Variants in HPS5 observed in about 807,000 individuals in gnomAD.
HPS5 encodes HPS5 biogenesis of lysosomal organelles complex 2 subunit 2, also known as BLOC-2 complex member HPS5.
In HPS5, 83 loss-of-function variants were observed where a neutral mutation model predicts 128.0. The observed-to-expected ratio is 0.65, with a 90% CI of 0.54 to 0.78. HPS5 has a LOEUF of 0.78. Among genes scored for constraint, HPS5 ranks in the 30% least tolerant of loss-of-function variants. HPS5 has a pLI of 0.00. For synonymous variants in HPS5, 475 were observed against 470.2 expected, an observed-to-expected ratio of 1.01 and a Z score of -0.13; for missense variants, 1,281 against 1,326.2, an observed-to-expected ratio of 0.97 and a Z score of 0.53.
Position 18,291,490 on chromosome 11 carries a change from A to G in HPS5, c.2392T>C (p.Tyr798His). Residue 798 changes from tyrosine (Y) to histidine (H), a missense_variant, in exon 16 of 23, where the codon TAC (tyrosine) becomes CAC (histidine). Coordinates refer to ENST00000349215, the MANE Select transcript of HPS5 (RefSeq NM_181507.2). ...KRAKESIKLS[Y>H]SNSPSVWDTF... ...TCCCAAACAGAAGGGCTATTACTGTAACTAAGCTTGATACTCTCCTTCGCT... is the reference window on the plus strand; with the variant it reads ...TCCCAAACAGAAGGGCTATTACTGTGACTAAGCTTGATACTCTCCTTCGCT... 6.2e-7 allele frequency: 1 copy of G among 1,613,628 alleles called. No homozygotes were observed. Among genetic ancestry groups the G allele is most frequent in the Non-Finnish European group, 8.5e-7 (1 of 1,179,676 alleles).
In HPS5 at chr11:18,318,806, T is replaced by C. The variant is rs574176947; in HGVS notation, c.-49-899A>G. ...CATGCTTTACGTTTTTGACTTTTTT[T>C]CCAGAAACATATATATTCCATCACT... On this transcript the variant is annotated intron_variant, in intron 1 of 22. Coordinates refer to ENST00000349215, the MANE Select transcript of HPS5 (RefSeq NM_181507.2). Among the ~76,000 whole-genome samples, 3 of 152,362 alleles carry C rather than the reference T, an allele frequency of 2.0e-5. No homozygotes were observed. In the East Asian group the frequency reaches 5.8e-4, roughly 29 times the overall value.
Position 18,286,636 on chromosome 11 carries a change from T to G in HPS5, c.2792A>C (p.Asp931Ala). 6.2e-7 allele frequency: 1 copy of G among 1,613,954 alleles called. No homozygotes were observed. Among genetic ancestry groups the G allele is most frequent in the Non-Finnish European group, 8.5e-7 (1 of 1,179,986 alleles). The part of the protein sequence containing the change: ...LDWLLLAVSL[D>A]APPSTSTMDD... ...CATTGTGCTGGTGCTTGGTGGAGCA[T>G]CAAGGGACACTGCCAAAAGCAGCCA... The change falls in exon 19 of 23, where the codon GAT (aspartate) becomes GCT (alanine). Residue 931 changes from aspartate (D) to alanine (A), a missense_variant. Physicochemically the swap from Asp to Ala is moderately radical, Grantham distance 126. Transcript: ENST00000349215.
chr11:18,283,720 A>C, intron 21 of HPS5, 75 bp downstream of exon 21: 1 of 978,306 alleles, frequency 1.0e-6, no homozygotes, highest in Non-Finnish European at 1.7e-6. Context: ...AAGGTTCACC[A>C]AATTTTTTTG....
intron 22 of HPS5, among the ~76,000 whole-genome samples, chr11:18,280,353 G>A (rs1858720674): frequency 6.6e-6 from 1 of 152,178 alleles, no homozygotes; most frequent in South Asian, 2.1e-4. Context: ...CACTGGGATA[G>A]CTACTGTTTA....
chr11:18,314,219 C>T (rs1463374264), intron 2 of HPS5, among the ~76,000 whole-genome samples: 1 of 151,950 alleles, frequency 6.6e-6, no homozygotes, highest in Non-Finnish European at 1.5e-5. Context: ...CCAGCTTGGG[C>T]AACATAGTAA....
chr11:18,295,178 C>A lies in HPS5; in HGVS notation c.1635-9G>T. The A allele has an allele frequency of 6.2e-7, 1 of 1,612,846 alleles. No individual in the cohort carries two copies. The highest frequency in any genetic ancestry group is 1.1e-5 in the South Asian group (1 of 90,932). On this transcript the variant is annotated splice_polypyrimidine_tract_variant and intron_variant, in intron 13 of 22. Coordinates refer to ENST00000349215, the MANE Select transcript of HPS5 (RefSeq NM_181507.2). ...GCACAAAGCTAGAAACACTAGAAGT[C>A]AAATAACAAAAAACTAACATGAATA...
intron 8 of HPS5, among the ~76,000 whole-genome samples, chr11:18,303,567 T>C (rs1861982503): frequency 6.6e-6 from 1 of 152,136 alleles, no homozygotes; most frequent in African/African-American, 2.4e-5. Flanking sequence ...GAGAGCTAAG[T>C]GTATTGTGGC....
chr11:18,281,427 G>C (rs1044243579), intron 22 of HPS5, among the ~76,000 whole-genome samples: 5 of 150,840 alleles, frequency 3.3e-5, no homozygotes, highest in African/African-American at 7.3e-5. Flanking sequence ...TTGAGATGGA[G>C]TCTCGCTCTG....
chr11:18,298,446 G>T (rs548290746), intron 10 of HPS5, among the ~76,000 whole-genome samples: 1 of 151,962 alleles, frequency 6.6e-6, no homozygotes, highest in East Asian at 1.9e-4. Flanking sequence ...AGTGGGCCGA[G>T]ATTGCGCCAC....
At position 18,312,036 on chromosome 11, in the gene HPS5, T is replaced by C; in HGVS notation, c.109-12A>G. 6.3e-7 allele frequency: 1 copy of C among 1,592,336 alleles called. No individual in the cohort carries two copies. The highest frequency in any genetic ancestry group is 8.6e-7 in the Non-Finnish European group (1 of 1,160,414). ...GCTATGCTCGTGCACTAAAAACATG[T>C]GAAGAGAAGTGTGAGATAATCACAG... On this transcript the variant is annotated splice_polypyrimidine_tract_variant and intron_variant, in intron 2 of 22. Transcript: ENST00000349215.
At position 18,297,507 on chromosome 11, in the gene HPS5, G is replaced by A. The variant is rs377043935; in HGVS notation, c.1323+52C>T. On this transcript the variant is annotated intron_variant, in intron 11 of 22. Coordinates refer to ENST00000349215, the MANE Select transcript of HPS5 (RefSeq NM_181507.2). ...ATCCTAGAGGTAAATAAGAACAACC[G>A]AAGATGGAAAAATCTTACCCTACAA... 5.7e-5 allele frequency: 88 copies of A among 1,552,156 alleles called. 2 individuals carry two copies. The highest frequency in any genetic ancestry group is 3.6e-4 in the East Asian group (16 of 44,518).
intron 16 of HPS5, 34 bp from the exon 17 acceptor site, chr11:18,288,047 A>C (rs778139797): frequency 3.7e-6 from 6 of 1,610,966 alleles, no homozygotes; most frequent in Admixed American, 1.7e-5. Context: ...TCCAAACTTT[A>C]TCTCTTAGGC....
intron 14 of HPS5, 110 bp downstream of exon 14, chr11:18,294,910 G>A: frequency 2.7e-6 from 3 of 1,127,908 alleles, no homozygotes; most frequent in South Asian, 1.3e-5. Flanking sequence ...AGCCGTCCTG[G>A]AACACATGAG....
chr11:18,305,538 A>T, intron 7 of HPS5, 45 bp from the exon 8 acceptor site: 1 of 1,411,946 alleles, frequency 7.1e-7, no homozygotes, highest in African/African-American at 1.4e-5. Context: ...TGTTAAAAGT[A>T]TAACATAAAA....
chr11:18,288,956 G>A (rs988936531), intron 16 of HPS5, among the ~76,000 whole-genome samples: 7 of 151,972 alleles, frequency 4.6e-5, no homozygotes, highest in African/African-American at 1.7e-4. Flanking sequence ...GTATGTGTGT[G>A]TAGACAGGGT....
At position 18,296,089 on chromosome 11, in the gene HPS5, G is replaced by A. The variant is rs1159884798; in HGVS notation, c.1544C>T (p.Thr515Ile). The A allele has an allele frequency of 6.2e-7, 1 of 1,612,996 alleles. No homozygotes were observed. The highest frequency in any genetic ancestry group is 1.7e-5 in the Admixed American group (1 of 60,018). The change falls in exon 13 of 23, where the codon ACA becomes ATA. Residue 515 changes from threonine to isoleucine, a missense_variant. Transcript: ENST00000349215. ...NVSHAPVMFE[T>I]DKNETFLPFG... ...CGGGAGAAAAGTTTCATTCTTATCTGTCTCAAACATCACTGGAGCATGAGA... is the reference window on the plus strand; with the variant it reads ...CGGGAGAAAAGTTTCATTCTTATCTATCTCAAACATCACTGGAGCATGAGA...
intron 6 of HPS5, among the ~76,000 whole-genome samples, chr11:18,308,514 GA>G (rs2134452538): frequency 6.6e-6 from 1 of 152,212 alleles, no homozygotes; most frequent in South Asian, 2.1e-4. Flanking sequence ...GCATACAACT[GA>G]TTCCTTAACA....
rs1860466537 is a variant in HPS5 at position 18,292,003 on chromosome 11, G to C, written c.1879C>G (p.Pro627Ala). The C allele has an allele frequency of 6.2e-7, 1 of 1,613,626 alleles. No homozygotes were observed. The highest frequency in any genetic ancestry group is 1.3e-5 in the African/African-American group (1 of 74,964). ...GACTCGGATTCAAATAAAACCAGAG[G>C]GTCCTGTAGCTTGGTCCTATACAAG... ...TAEAMTKLQD[P>A]LVLFESESLR... The change falls in exon 16 of 23, where the codon CCT (proline) becomes GCT (alanine). Residue 627 changes from proline to alanine, a missense_variant. Transcript: ENST00000349215.
chr11:18,303,672 G>A (rs932030723), intron 8 of HPS5, among the ~76,000 whole-genome samples: 1 of 152,120 alleles, frequency 6.6e-6, no homozygotes, highest in African/African-American at 2.4e-5. Context: ...GGGCAACATG[G>A]TGAAACCCCA....
Sources: gnomAD v4.1 joint callset for allele counts (sites outside exome capture counted in the v4.1 genomes callset) on GRCh38, gnomAD v4.1.1 for gene constraint, MANE v1.5 for transcripts, NCBI Gene and HGNC (gene_info 2026-07-23, HGNC 2026-07-21) for gene names.